The following ANO9 variants were observed in gnomAD, a reference collection of about 807,000 sequenced individuals.
The protein encoded by ANO9 is anoctamin-9.
In ANO9, 80 loss-of-function variants were observed where a neutral mutation model predicts 100.5. The observed-to-expected ratio is 0.80, with a 90% CI of 0.66 to 0.96. ANO9 has a LOEUF of 0.96. Among genes scored for constraint, ANO9 ranks in the 40% least tolerant of loss-of-function variants. The pLI is 0.00. For missense variants in ANO9, 1,064 were observed against 1,072.7 expected, an observed-to-expected ratio of 0.99 and a Z score of 0.11; for synonymous variants, 473 against 435.6, an observed-to-expected ratio of 1.09 and a Z score of -1.07.
chr11:435,467 T>C (rs1217956707), intron 1 of ANO9, among the ~76,000 whole-genome samples: 4 of 151,894 alleles, frequency 2.6e-5, no homozygotes. Context: ...TAGCATAGTA[T>C]AGCATAGCAT....
chr11:422,106 G>T lies in ANO9; in HGVS notation c.1335-908C>A, dbSNP rs908107492. ...TGGCTTTTCCGTGTGCGGCAAAGCTGCGGGGAAACATGGCATGAGAAAGTA... is the reference window on the plus strand; with the variant it reads ...TGGCTTTTCCGTGTGCGGCAAAGCTTCGGGGAAACATGGCATGAGAAAGTA... On this transcript the variant is annotated intron_variant, in intron 15 of 22. Coordinates refer to ENST00000332826, the MANE Select transcript of ANO9 (RefSeq NM_001012302.3). The surrounding 1 kb of genome is among the most constrained non-coding windows in gnomAD (Gnocchi z 4.3). 3.3e-5 allele frequency among the ~76,000 whole-genome samples: 5 copies of T among 152,196 alleles called. No individual in the cohort carries two copies. The highest frequency in any genetic ancestry group is 1.2e-4 in the African/African-American group (5 of 41,438).
chr11:436,020 C>T (rs1849504743), intron 1 of ANO9, among the ~76,000 whole-genome samples: 1 of 148,808 alleles, frequency 6.7e-6, no homozygotes, highest in African/African-American at 2.5e-5. Flanking sequence ...TTGTGACATT[C>T]AGCTTGACTG....
intron 15 of ANO9, among the ~76,000 whole-genome samples, chr11:425,903 TA>T (rs1848494272): frequency 1.1e-5 from 1 of 90,606 alleles, no homozygotes; most frequent in African/African-American, 4.2e-5. Flanking sequence ...TAATTTTTTG[TA>T]TTTTTTTTTA....
In ANO9 at chr11:420,819, G is replaced by C; in HGVS notation, c.1532C>G (p.Ser511Cys). 1 of 1,592,830 alleles carries C rather than the reference G, an allele frequency of 6.3e-7. No homozygotes were observed. Among genetic ancestry groups the C allele is most frequent in the Non-Finnish European group, 8.5e-7 (1 of 1,173,362 alleles). The change falls in exon 18 of 23, where the codon TCC becomes TGC. Residue 511 changes from serine to cysteine, a missense_variant. Physicochemically the swap from Ser to Cys is moderately radical, Grantham distance 112 (BLOSUM62 -1). Coordinates refer to ENST00000332826, the MANE Select transcript of ANO9 (RefSeq NM_001012302.3). ...HKCRSLRASE[S>C]GHLPRDPELR... is the part of the protein sequence containing the mutation. ...CTCGGGGTCCCGGGGCAGGTGCCCGGACTCGGAGGCCCGCAGAGAGCGGCA... is the reference window on the plus strand; with the variant it reads ...CTCGGGGTCCCGGGGCAGGTGCCCGCACTCGGAGGCCCGCAGAGAGCGGCA...
rs763380161 is a variant in ANO9, at chr11:430,250, G to C, written c.674+19C>G. 12 of 1,555,078 alleles carry C rather than the reference G, an allele frequency of 7.7e-6. No homozygotes were observed. In the African/African-American group the frequency reaches 1.5e-4, roughly 20 times the overall value. On this transcript the variant is annotated intron_variant, in intron 8 of 22. Coordinates refer to ENST00000332826, the MANE Select transcript of ANO9 (RefSeq NM_001012302.3). ...GGGCCCACCCCGGCCCCCCATGCCCGGCCCCTGCTGCGGCCCACCTGATCT... is the reference window on the plus strand; with the variant it reads ...GGGCCCACCCCGGCCCCCCATGCCCCGCCCCTGCTGCGGCCCACCTGATCT...
At chr11:426,479 A>G (rs1246902931) in intron 15 of ANO9, among the ~76,000 whole-genome samples, 1 of 152,210 alleles carries the variant, frequency 6.6e-6, no homozygotes, top group African/African-American at 2.4e-5. Flanking sequence ...AGGCTGAGGC[A>G]GGAGGATTGC....
In ANO9 at chr11:431,736, C is replaced by T. The variant is rs372316223; in HGVS notation, c.497G>A (p.Arg166Gln). ...CTGCTCCCGGAACATGTGTCTCCAC[C>T]GCGCCCACGTCTTCTTCAGGCGTCC... ...GEGRLKKTWA[R>Q]WRHMFREQPV... The change falls in exon 7 of 23, where the codon CGG becomes CAG. Residue 166 changes from arginine to glutamine, a missense_variant. Physicochemically the swap from Arg to Gln is conservative, Grantham distance 43. Coordinates refer to ENST00000332826, the MANE Select transcript of ANO9 (RefSeq NM_001012302.3). 22 of 1,612,616 alleles carry T rather than the reference C, an allele frequency of 1.4e-5. No individual in the cohort carries two copies. The East Asian group carries it at 2.0e-4, about 15-fold the overall frequency.
Position 418,487 on chromosome 11 carries a change from C to T in ANO9, c.2233G>A (p.Glu745Lys). Residue 745 changes from glutamate (E) to lysine (K), a missense_variant, in exon 23 of 23, where the codon GAG becomes AAG. Coordinates refer to ENST00000332826, the MANE Select transcript of ANO9 (RefSeq NM_001012302.3). Reference sequence around the variant, plus strand: ...CTCTGCCTTCCATGCCACATCTTCTCACGCAGCCTCTGGTACTTCACCTCC... The same window carrying T: ...CTCTGCCTTCCATGCCACATCTTCTTACGCAGCCTCTGGTACTTCACCTCC... ...VLEVKYQRLREKMWHGRQRLG... is the reference protein window; with the variant it reads ...VLEVKYQRLRKKMWHGRQRLG... The T allele has an allele frequency of 6.2e-7, 1 of 1,613,148 alleles. No individual in the cohort carries two copies. The highest frequency in any genetic ancestry group is 8.5e-7 in the Non-Finnish European group (1 of 1,180,010).
intron 15 of ANO9, among the ~76,000 whole-genome samples, chr11:426,302 G>A (rs1223398081): frequency 6.6e-6 from 1 of 152,042 alleles, no homozygotes; most frequent in East Asian, 1.9e-4. Flanking sequence ...AGGTGCGGTA[G>A]CTCACACCTG....
In ANO9 at chr11:418,371, C is replaced by T. The variant is rs376856887; in HGVS notation, c.2349G>A (p.Ter783=). The T allele has an allele frequency of 3.1e-6, 5 of 1,604,814 alleles. No homozygotes were observed. The African/African-American group carries it at 6.7e-5, about 21-fold the overall frequency. The change falls in exon 23 of 23, where the codon TAG becomes TAA. Residue 783 remains the stop codon, a stop_retained_variant. Coordinates refer to ENST00000332826, the MANE Select transcript of ANO9 (RefSeq NM_001012302.3). ...SIFSARSTDV[*] ...GGTGGCCTCTGGACGGGCTCTGGCC[C>T]TACACGTCTGTGCTCCTGGCACTGA...
chr11:420,055 TG>T, intron 19 of ANO9: 1 of 1,318,670 alleles, frequency 7.6e-7, no homozygotes, highest in South Asian at 1.8e-5. Flanking sequence ...GGCCCGAGAC[TG>T]GGGGCCTCCC....
At chr11:441,144 G>A (rs933151964) in intron 1 of ANO9, among the ~76,000 whole-genome samples, 9 of 152,184 alleles carry the variant, frequency 5.9e-5, no homozygotes, top group African/African-American at 1.9e-4. Flanking sequence ...AGAGGCCGCC[G>A]GCGCAGCCCA....
Position 429,804 on chromosome 11 carries a change from A to G in ANO9, c.786T>C (p.Phe262=), listed in dbSNP as rs777334120. The change falls in exon 10 of 23, where the codon TTT becomes TTC. Residue 262 remains phenylalanine, a synonymous_variant. Coordinates refer to ENST00000332826, the MANE Select transcript of ANO9 (RefSeq NM_001012302.3). The part of the protein sequence containing the change: ...TCTFAKLTHL[F]DNDGTVVFAI... Reference sequence around the variant, plus strand: ...CGAACACCACCGTGCCATCATTGTCAAAGAGGTGGGTGAGCTGGGGGGGTG... The same window carrying G: ...CGAACACCACCGTGCCATCATTGTCGAAGAGGTGGGTGAGCTGGGGGGGTG... 2 of 1,606,530 alleles carry G rather than the reference A, an allele frequency of 1.2e-6. No homozygotes were observed. Among genetic ancestry groups the G allele is most frequent in the Admixed American group, 3.3e-5 (2 of 59,818 alleles).
At position 420,061 on chromosome 11, in the gene ANO9, C is replaced by T. The variant is rs1440829864; in HGVS notation, c.1787-332G>A. 24 of 1,317,630 alleles carry T rather than the reference C, an allele frequency of 1.8e-5. No homozygotes were observed. In the East Asian group the frequency reaches 7.4e-4, roughly 41 times the overall value. 81.6% of individuals were successfully genotyped at this position (1,317,630 alleles called of 1,614,324 possible). A position where few individuals can be genotyped will look rare whatever the true frequency, so the allele number is the denominator to read the frequency against. On this transcript the variant is annotated intron_variant, in intron 19 of 22. Coordinates refer to ENST00000332826, the MANE Select transcript of ANO9 (RefSeq NM_001012302.3). ...TGTAACCTGGGCCCGAGACTGGGGG[C>T]CTCCCTAACACCTCTCTCCCTTTCC... is the stretch of plus-strand genomic sequence containing the variant.
At chr11:418,630 A>G (rs997033980) in intron 22 of ANO9, 41 bp from the exon 23 acceptor site, 2 of 1,611,128 alleles carry the variant, frequency 1.2e-6, no homozygotes, top group African/African-American at 1.3e-5. Context: ...GTCAGGTGCC[A>G]GCTGGCATTT....
chr11:419,035 C>T (rs762108633), intron 20 of ANO9, 46 bp from the exon 21 acceptor site: 33 of 1,610,372 alleles, frequency 2.0e-5, no homozygotes, highest in Non-Finnish European at 2.6e-5. Context: ...GCTTCCAGGG[C>T]GGCCCCTTCA....
rs368645509 is a variant in ANO9, at chr11:419,011, G to A, written c.1935-22C>T. On this transcript the variant is annotated intron_variant, in intron 20 of 22. Coordinates refer to ENST00000332826, the MANE Select transcript of ANO9 (RefSeq NM_001012302.3). Reference sequence around the variant, plus strand: ...GCAGCTGGGGAGAGGGGAGAGGAGTGTGGGGTGGGGTGGGCTTCCAGGGCG... The same window carrying A: ...GCAGCTGGGGAGAGGGGAGAGGAGTATGGGGTGGGGTGGGCTTCCAGGGCG... 1.9e-5 allele frequency: 30 copies of A among 1,612,052 alleles called. No homozygotes were observed. In the African/African-American group the frequency reaches 3.9e-4, roughly 21 times the overall value.
At position 420,445 on chromosome 11, in the gene ANO9, G is replaced by T. The variant is rs190649852; in HGVS notation, c.1786+18C>A. On this transcript the variant is annotated intron_variant, in intron 19 of 22. Coordinates refer to ENST00000332826, the MANE Select transcript of ANO9 (RefSeq NM_001012302.3). Reference sequence around the variant, plus strand: ...AGGCCGCCCAGTTCCCGCCCATCCTGCGCCCGCCCGGTCTGACCGATGTCC... The same window carrying T: ...AGGCCGCCCAGTTCCCGCCCATCCTTCGCCCGCCCGGTCTGACCGATGTCC... 1.4e-3 allele frequency: 2,237 copies of T among 1,598,372 alleles called. 27 individuals are homozygous for T. In the African/African-American group the frequency reaches 0.024, roughly 17 times the overall value.
In ANO9 at chr11:420,463, C is replaced by T; in HGVS notation, c.1786G>A (p.Gly596Arg). The T allele has an allele frequency of 1.2e-6, 2 of 1,601,798 alleles. No homozygotes were observed. The highest frequency in any genetic ancestry group is 8.5e-7 in the Non-Finnish European group (1 of 1,179,320). ...CCATCCTGCGCCCGCCCGGTCTGACCGATGTCCTTGGCCTTGCGCGGCACC... is the reference window on the plus strand; with the variant it reads ...CCATCCTGCGCCCGCCCGGTCTGACTGATGTCCTTGGCCTTGCGCGGCACC... ...RLVPRKAKDI[G>R]TWLQVLETIG... is the part of the protein sequence containing the mutation. The change falls in exon 19 of 23, where the codon GGG becomes AGG. Residue 596 changes from glycine to arginine, a missense_variant and splice_region_variant. Coordinates refer to ENST00000332826, the MANE Select transcript of ANO9 (RefSeq NM_001012302.3).
Sources: allele counts gnomAD v4.1 joint callset (sites outside exome capture counted in the v4.1 genomes callset), GRCh38; gene constraint gnomAD v4.1.1; non-coding constraint Gnocchi (gnomAD v3.1); transcripts MANE v1.5; gene names NCBI Gene and HGNC (gene_info 2026-07-23, HGNC 2026-07-21).